The following ZNF644 variants were observed in gnomAD, a reference collection of about 807,000 sequenced individuals.
ZNF644 encodes zinc finger motif enhancer binding protein 2.
ZNF644 carries 20 observed loss-of-function variants against 108.0 expected under a neutral mutation model. The observed-to-expected ratio is 0.19, with a 90% CI of 0.13 to 0.27. The LOEUF is 0.27. ZNF644 is among the 10% of genes least tolerant of loss of function. ZNF644 has a pLI of 1.00. For missense variants in ZNF644, 1,338 were observed against 1,548.9 expected (o/e 0.86, Z 2.29); for synonymous variants, 542 against 539.1 (o/e 1.01, Z -0.08).
chr1:90,952,694 A>C (rs1449985924), intron 2 of ZNF644, among the ~76,000 whole-genome samples: 1 of 152,184 alleles, frequency 6.6e-6, no homozygotes, highest in Non-Finnish European at 1.5e-5. Context: ...GAAAACAGAG[A>C]AAAGAGTAAG....
intron 2 of ZNF644, among the ~76,000 whole-genome samples, chr1:90,976,129 CAACTAAAATA>C (rs2101390969): frequency 6.6e-6 from 1 of 152,150 alleles, no homozygotes; most frequent in Admixed American, 6.6e-5. Flanking sequence ...TAATGTCTAG[CAACTAAAATA>C]AGAGCTTTAG....
intron 1 of ZNF644, among the ~76,000 whole-genome samples, chr1:91,008,573 GTT>G (rs1385016470): frequency 6.6e-6 from 1 of 152,174 alleles, no homozygotes; most frequent in African/African-American, 2.4e-5. Context: ...TCAGAAAACA[GTT>G]GATAGTTCTG....
In ZNF644 at chr1:90,916,845, T is replaced by C. The variant is rs776360747; in HGVS notation, c.3937A>G (p.Ile1313Val). Residue 1313 changes from isoleucine to valine, a missense_variant, in exon 6 of 6, where the codon ATT becomes GTT. Ile to Val is a conservative substitution (Grantham distance 29). Around this residue, in one of 6 missense-constraint regions of ZNF644, gnomAD observed 34 missense variants for 78.6 expected, o/e 0.43. Transcript: ENST00000337393. The part of the protein sequence containing the change: ...VTSLLKKPAS[I>V]TETSFSLLMA... ...AGTAGAGAAAATGAAGTTTCTGTAA[T>C]GGAGGCAGGCTTTTTAAGTAGTGAC... 4.6e-5 allele frequency: 74 copies of C among 1,614,106 alleles called. No individual in the cohort carries two copies. The highest frequency in any genetic ancestry group is 2.7e-5 in the African/African-American group (2 of 74,936).
intron 1 of ZNF644, among the ~76,000 whole-genome samples, chr1:90,993,240 C>G (rs984427093): frequency 1.3e-5 from 2 of 151,898 alleles, no homozygotes; most frequent in African/African-American, 2.4e-5. Flanking sequence ...CAACTCTCAT[C>G]TGCTTCAGAA....
At chr1:90,948,426 TA>T (rs1171909772) in intron 2 of ZNF644, among the ~76,000 whole-genome samples, 1 of 152,188 alleles carries the variant, frequency 6.6e-6, no homozygotes, top group Admixed American at 6.5e-5. Flanking sequence ...GCTGAAGAGA[TA>T]ACTGGTGCCT....
At chr1:90,986,329 C>CG (rs541623646) in intron 1 of ZNF644, among the ~76,000 whole-genome samples, 1 of 146,294 alleles carries the variant, frequency 6.8e-6, no homozygotes, top group Admixed American at 6.8e-5. Context: ...AAACAAAAAA[C>CG]AAAAAAAAAA....
chr1:90,966,389 C>T (rs1287839636), intron 2 of ZNF644, among the ~76,000 whole-genome samples: 2 of 151,918 alleles, frequency 1.3e-5, no homozygotes, highest in Admixed American at 6.6e-5. Flanking sequence ...ACTGATGTAC[C>T]CTTGACATCC....
chr1:90,965,511 C>T (rs1654770520), intron 2 of ZNF644, among the ~76,000 whole-genome samples: 1 of 152,134 alleles, frequency 6.6e-6, no homozygotes, highest in Non-Finnish European at 1.5e-5. Flanking sequence ...AGGATTTCAA[C>T]ATAAGAATTT....
Position 90,940,749 on chromosome 1 carries a change from C to A in ZNF644, c.605G>T (p.Cys202Phe). Reference protein sequence around the residue: ...KKLPTSASVGCDIQNSVGSNI... With the variant: ...KKLPTSASVGFDIQNSVGSNI... Reference sequence around the variant, plus strand: ...ACTCCCTACTGAATTCTGAATGTCACAACCAACTGAAGCAGAGGTAGGTAG... The same window carrying A: ...ACTCCCTACTGAATTCTGAATGTCAAAACCAACTGAAGCAGAGGTAGGTAG... The change falls in exon 3 of 6, where the codon TGT becomes TTT. Residue 202 changes from cysteine to phenylalanine, a missense_variant. Cys to Phe is a radical substitution (Grantham distance 205, BLOSUM62 -2). Around this residue, in one of 6 missense-constraint regions of ZNF644, gnomAD observed 464 missense variants for 457.9 expected, o/e 1.01. Transcript: ENST00000337393. 1 of 1,614,058 alleles carries A rather than the reference C, an allele frequency of 6.2e-7. No homozygotes were observed. Among genetic ancestry groups the A allele is most frequent in the Non-Finnish European group, 8.5e-7 (1 of 1,179,986 alleles).
At chr1:90,927,159 G>A (rs1221663159) in intron 4 of ZNF644, among the ~76,000 whole-genome samples, 1 of 151,726 alleles carries the variant, frequency 6.6e-6, no homozygotes, top group African/African-American at 2.4e-5. Context: ...GGAGTTCCTA[G>A]TCTAGCTGAA....
intron 2 of ZNF644, among the ~76,000 whole-genome samples, chr1:90,954,926 C>T (rs1653593679): frequency 6.6e-6 from 1 of 152,172 alleles, no homozygotes; most frequent in Non-Finnish European, 1.5e-5. Flanking sequence ...TTTCAATTTA[C>T]TTTGCTCAGA....
intron 4 of ZNF644, among the ~76,000 whole-genome samples, chr1:90,925,413 T>C (rs1453888244): frequency 2.6e-5 from 4 of 152,134 alleles, no homozygotes; most frequent in Non-Finnish European, 5.9e-5. Context: ...CTAATCACAG[T>C]GTATATCCAG....
At position 90,941,079 on chromosome 1, in the gene ZNF644, G is replaced by C. The variant is rs1651923792; in HGVS notation, c.275C>G (p.Ser92Cys). ...AGCACCAGCATGTATAAATAGACTA[G>C]ACTGGCCTCCACTTAAGGCGTTTTC... ...KSENALSGGQ[S>C]SLFIHAGAPT... Residue 92 changes from serine to cysteine, a missense_variant, in exon 3 of 6, where the codon TCT becomes TGT. Ser to Cys is a moderately radical substitution (Grantham distance 112, BLOSUM62 -1). Transcript: ENST00000337393. 1.9e-6 allele frequency: 3 copies of C among 1,613,972 alleles called. No individual in the cohort carries two copies. The highest frequency in any genetic ancestry group is 3.3e-5 in the Admixed American group (2 of 59,996).
intron 2 of ZNF644, among the ~76,000 whole-genome samples, chr1:90,968,254 G>C (rs1159832805): frequency 6.6e-6 from 1 of 152,042 alleles, no homozygotes; most frequent in Admixed American, 6.6e-5. Flanking sequence ...TCCTAGGTAT[G>C]TAAATGTACT....
intron 1 of ZNF644, among the ~76,000 whole-genome samples, chr1:91,019,434 T>C (rs1044036488): frequency 6.6e-6 from 1 of 152,206 alleles, no homozygotes; most frequent in Admixed American, 6.5e-5. Context: ...AATTTCTGGG[T>C]CAAGACTGCA....
intron 4 of ZNF644, among the ~76,000 whole-genome samples, chr1:90,921,410 T>TC (rs1298309824): frequency 1.3e-5 from 2 of 151,876 alleles, no homozygotes; most frequent in Non-Finnish European, 2.9e-5. Context: ...ACCAAAAAAC[T>TC]CCAAGGAACT....
At chr1:90,988,972 A>G (rs1657377985) in intron 1 of ZNF644, among the ~76,000 whole-genome samples, 1 of 152,204 alleles carries the variant, frequency 6.6e-6, no homozygotes, top group South Asian at 2.1e-4. Flanking sequence ...CACTGGATTT[A>G]GCTATGAATT....
At chr1:90,975,468 C>T (rs998077951) in intron 2 of ZNF644, among the ~76,000 whole-genome samples, 8 of 145,554 alleles carry the variant, frequency 5.5e-5, no homozygotes, top group African/African-American at 1.5e-4. Context: ...GACAGAGTCT[C>T]GCTCTGTCTC....
At chr1:90,996,285 C>T (rs145424787) in intron 1 of ZNF644, among the ~76,000 whole-genome samples, 2,391 of 152,264 alleles carry the variant, frequency 0.016, 28 homozygotes, top group Non-Finnish European at 0.022. Flanking sequence ...TAAGAACCTT[C>T]GAAAATCATC....
Sources: allele counts gnomAD v4.1 joint callset (sites outside exome capture counted in the v4.1 genomes callset), GRCh38; gene constraint gnomAD v4.1.1; regional missense constraint gnomAD v4.1.1; transcripts MANE v1.5; gene names NCBI Gene and HGNC (gene_info 2026-07-23, HGNC 2026-07-21).